Variants in AFF3 observed in about 807,000 individuals in gnomAD.
AFF3 encodes the protein ALF transcription elongation factor 3.
AFF3 carries 32 observed loss-of-function variants against 129.7 expected under a neutral mutation model. The ratio of observed to expected loss-of-function variants is 0.25; its 90% confidence interval spans 0.19 to 0.33. The LOEUF is 0.33. AFF3 is among the 10% of genes least tolerant of loss of function. The pLI, the probability that AFF3 is intolerant of heterozygous loss-of-function variation, is 1.00. For missense variants in AFF3, 1,373 were observed against 1,592.0 expected, an observed-to-expected ratio of 0.86 and a Z score of 2.34; for synonymous variants, 644 against 635.4, an observed-to-expected ratio of 1.01 and a Z score of -0.20.
rs550630017 is a variant in AFF3, at chr2:99,692,362, C to T, written c.1092-19773G>A. Among the ~76,000 whole-genome samples, 3 of 152,344 alleles carry T rather than the reference C, an allele frequency of 2.0e-5. No individual in the cohort carries two copies. In the South Asian group the frequency reaches 6.2e-4, roughly 32 times the overall value. On this transcript the variant is annotated intron_variant, in intron 11 of 24. Coordinates refer to ENST00000672756, the MANE Select transcript of AFF3 (RefSeq NM_001386135.1). ...GGATTCTGCTCTCCCCCTTCTTCAG[C>T]ATCACGTTCCTCATTCTCACTCTCT...
intron 13 of AFF3, among the ~76,000 whole-genome samples, chr2:99,639,740 C>CAAT (rs1228090563): frequency 6.7e-6 from 1 of 148,816 alleles, no homozygotes; most frequent in Non-Finnish European, 1.5e-5. Flanking sequence ...GGTTGGAGTG[C>CAAT]AATGGAGTGC....
At chr2:100,014,954 A>ATTTTT (rs562822524) in intron 4 of AFF3, among the ~76,000 whole-genome samples, 18 of 121,648 alleles carry the variant, frequency 1.5e-4, no homozygotes, top group African/African-American at 2.6e-4. Flanking sequence ...CAGCCAGCTA[A>ATTTTT]TTTTTTTTTT....
At chr2:99,966,506 C>T (rs1434991153) in intron 7 of AFF3, among the ~76,000 whole-genome samples, 11 of 150,572 alleles carry the variant, frequency 7.3e-5, no homozygotes, top group African/African-American at 2.0e-4. Context: ...CCGGCTAAAA[C>T]GGTGAAACCC....
intron 4 of AFF3, among the ~76,000 whole-genome samples, chr2:100,098,248 T>G (rs1004344220): frequency 6.6e-6 from 1 of 151,298 alleles, no homozygotes; most frequent in African/African-American, 2.4e-5. Flanking sequence ...ACAGCCAACA[T>G]TGAAAATAAG....
intron 13 of AFF3, among the ~76,000 whole-genome samples, chr2:99,614,493 C>T (rs1166170605): frequency 6.6e-6 from 1 of 152,180 alleles, no homozygotes; most frequent in Non-Finnish European, 1.5e-5. Flanking sequence ...AAGGCTTGAT[C>T]CCCAATTTGA....
chr2:99,597,874 C>T (rs778105066), intron 14 of AFF3, among the ~76,000 whole-genome samples: 8 of 152,212 alleles, frequency 5.3e-5, no homozygotes, highest in Admixed American at 2.6e-4. Flanking sequence ...CTCTGACTCA[C>T]GCACCAGCTC....
chr2:99,721,143 G>T (rs1394579893), intron 11 of AFF3, among the ~76,000 whole-genome samples: 1 of 151,946 alleles, frequency 6.6e-6, no homozygotes, highest in Non-Finnish European at 1.5e-5. Flanking sequence ...TCAATTTATT[G>T]TAGTGTAGGC....
chr2:99,646,115 C>T (rs1256962844), intron 13 of AFF3, among the ~76,000 whole-genome samples: 1 of 152,144 alleles, frequency 6.6e-6, no homozygotes, highest in Non-Finnish European at 1.5e-5. Context: ...CATGTCCTTC[C>T]ACCAACCCCA....
chr2:99,797,969 A>G (rs192952680), intron 8 of AFF3, among the ~76,000 whole-genome samples: 2 of 152,242 alleles, frequency 1.3e-5, no homozygotes, highest in South Asian at 4.1e-4. Flanking sequence ...TACCCAAAGC[A>G]ATAAAGAGAA....
At chr2:99,694,702 G>A (rs1435477215) in intron 11 of AFF3, among the ~76,000 whole-genome samples, 7 of 152,038 alleles carry the variant, frequency 4.6e-5, no homozygotes, top group African/African-American at 1.4e-4. Context: ...AAAACCCAAC[G>A]AATTTTTTTG....
chr2:99,991,482 C>T (rs1394934113), intron 7 of AFF3, among the ~76,000 whole-genome samples: 1 of 152,220 alleles, frequency 6.6e-6, no homozygotes, highest in African/African-American at 2.4e-5. Flanking sequence ...TGTCTCCTCT[C>T]TGTTGCCAGA....
intron 7 of AFF3, among the ~76,000 whole-genome samples, chr2:99,984,662 C>T (rs1038311332): frequency 6.6e-6 from 1 of 152,130 alleles, no homozygotes; most frequent in Non-Finnish European, 1.5e-5. Context: ...TGTTCCAGTT[C>T]TATATGGTCC....
intron 7 of AFF3, among the ~76,000 whole-genome samples, chr2:99,905,411 C>G (rs536272556): frequency 6.6e-5 from 10 of 152,102 alleles, no homozygotes; most frequent in Admixed American, 6.5e-4. Context: ...ATTCTCAGTC[C>G]GAATACTTTT....
At chr2:100,018,992 A>C (rs185070434) in intron 4 of AFF3, among the ~76,000 whole-genome samples, 319 of 152,298 alleles carry the variant, frequency 2.1e-3, no homozygotes, top group Non-Finnish European at 3.6e-3. Flanking sequence ...AGCTATCTAC[A>C]CAATGAGTCA....
intron 8 of AFF3, among the ~76,000 whole-genome samples, chr2:99,822,324 G>C (rs1272709793): frequency 1.3e-5 from 2 of 151,676 alleles, no homozygotes; most frequent in Non-Finnish European, 2.9e-5. Flanking sequence ...CTGGGGGATG[G>C]GGGTGGAGGT....
chr2:99,801,920 C>T (rs951529832), intron 8 of AFF3, among the ~76,000 whole-genome samples: 3 of 152,178 alleles, frequency 2.0e-5, no homozygotes, highest in Admixed American at 6.5e-5. Flanking sequence ...CCCAATAGAA[C>T]TATTTCCTTT....
In AFF3 at chr2:100,106,436, GAAAAAAAAGA is replaced by G. The variant is rs1691298320; in HGVS notation, c.-144-863_-144-854del. The stretch of plus-strand genomic sequence containing the variant: ...CCAATGCACAGTGTATTTGGAAAAA[GAAAAAAAAGA>G]AAAAGAAAATCTGTCTTTCTAATAT... On this transcript the variant is annotated intron_variant, in intron 2 of 24. Coordinates refer to ENST00000672756, the MANE Select transcript of AFF3 (RefSeq NM_001386135.1). 3.9e-6 allele frequency: 4 copies of G among 1,013,188 alleles called. No homozygotes were observed. The South Asian group carries it at 1.6e-4, about 40-fold the overall frequency. The allele number at this position is 1,013,188 out of a possible 1,614,324, so 62.8% of individuals were successfully genotyped here. A position where few individuals can be genotyped will look rare whatever the true frequency, so the allele number is the denominator to read the frequency against.
At chr2:99,685,128 C>A (rs1004580805) in intron 11 of AFF3, among the ~76,000 whole-genome samples, 1 of 151,838 alleles carries the variant, frequency 6.6e-6, no homozygotes, top group Non-Finnish European at 1.5e-5. Flanking sequence ...TAATAGAGAC[C>A]GGTTTTCACC....
At chr2:100,056,603 T>A (rs1472797238) in intron 4 of AFF3, among the ~76,000 whole-genome samples, 1 of 152,138 alleles carries the variant, frequency 6.6e-6, no homozygotes, top group Non-Finnish European at 1.5e-5. Context: ...CTATCTTGGG[T>A]TTTAATGTCT....
Sources: allele counts gnomAD v4.1 joint callset (sites outside exome capture counted in the v4.1 genomes callset), GRCh38; gene constraint gnomAD v4.1.1; transcripts MANE v1.5; gene names NCBI Gene and HGNC (gene_info 2026-07-23, HGNC 2026-07-21).